The following CCSER1 variants were observed in gnomAD, a reference collection of about 807,000 sequenced individuals.
CCSER1 encodes serine-rich coiled-coil domain-containing protein 1.
A neutral mutation model predicts 82.0 loss-of-function variants in CCSER1; 41 were observed. That is an observed-to-expected ratio of 0.50 (90% CI 0.39 to 0.65). The LOEUF (loss-of-function observed/expected upper bound fraction) is 0.65. CCSER1 is among the 30% of genes least tolerant of loss of function. The pLI is 0.00. For synonymous variants in CCSER1, 414 were observed against 383.9 expected, an observed-to-expected ratio of 1.08 and a Z score of -0.92; for missense variants, 1,119 against 1,064.2, an observed-to-expected ratio of 1.05 and a Z score of -0.72.
At chr4:90,821,214 G>A (rs1170675701) in intron 8 of CCSER1, among the ~76,000 whole-genome samples, 2 of 151,948 alleles carry the variant, frequency 1.3e-5, no homozygotes, top group Non-Finnish European at 2.9e-5. Flanking sequence ...GATTTTATTT[G>A]ATGAAAAACC....
intron 5 of CCSER1, among the ~76,000 whole-genome samples, chr4:90,596,904 G>A (rs541539257): frequency 6.6e-6 from 1 of 151,808 alleles, no homozygotes. Flanking sequence ...GAATCATGGA[G>A]CTTGGATATT....
chr4:91,473,290 A>G (rs1278972623), intron 10 of CCSER1, among the ~76,000 whole-genome samples: 1 of 152,206 alleles, frequency 6.6e-6, no homozygotes. Context: ...AGTAGGGCAT[A>G]CAAAGGAACA....
At chr4:91,159,296 C>T (rs947789350) in intron 10 of CCSER1, among the ~76,000 whole-genome samples, 3 of 151,916 alleles carry the variant, frequency 2.0e-5, no homozygotes, top group East Asian at 3.9e-4. Context: ...AAATCAATGC[C>T]ATGCTGAAAA....
intron 10 of CCSER1, among the ~76,000 whole-genome samples, chr4:91,162,824 C>A (rs1440082362): frequency 6.6e-6 from 1 of 151,768 alleles, no homozygotes; most frequent in Non-Finnish European, 1.5e-5. Flanking sequence ...TCTCTTTTTT[C>A]TTCTTTATTA....
intron 9 of CCSER1, among the ~76,000 whole-genome samples, chr4:91,050,457 A>G (rs1027526098): frequency 5.9e-5 from 9 of 151,960 alleles, no homozygotes; most frequent in Non-Finnish European, 1.0e-4. Flanking sequence ...CATAGACTAA[A>G]CCATTTAATA....
At chr4:91,180,665 A>G (rs1209887717) in intron 10 of CCSER1, among the ~76,000 whole-genome samples, 1 of 152,144 alleles carries the variant, frequency 6.6e-6, no homozygotes, top group Non-Finnish European at 1.5e-5. Flanking sequence ...GGAAAAGTGC[A>G]GTATTAGGGT....
intron 9 of CCSER1, among the ~76,000 whole-genome samples, chr4:90,982,484 G>A (rs970127764): frequency 6.6e-6 from 1 of 151,654 alleles, no homozygotes; most frequent in African/African-American, 2.4e-5. Context: ...CTTCTCACTT[G>A]TAATTTGCAA....
intron 5 of CCSER1, among the ~76,000 whole-genome samples, chr4:90,529,512 G>A (rs979036705): frequency 6.6e-6 from 1 of 152,144 alleles, no homozygotes; most frequent in Non-Finnish European, 1.5e-5. Context: ...TTACAGGCGT[G>A]AGCCACCATG....
intron 10 of CCSER1, among the ~76,000 whole-genome samples, chr4:91,519,035 G>T (rs76870709): frequency 6.6e-6 from 1 of 152,214 alleles, no homozygotes; most frequent in Non-Finnish European, 1.5e-5. Context: ...CACTGCATCT[G>T]CAATGGCAAA....
intron 3 of CCSER1, among the ~76,000 whole-genome samples, chr4:90,324,834 A>T (rs986798425): frequency 1.3e-5 from 2 of 152,060 alleles, no homozygotes; most frequent in African/African-American, 4.8e-5. Context: ...ATCCATCTTG[A>T]CTTAATTTTT....
intron 7 of CCSER1, among the ~76,000 whole-genome samples, chr4:90,776,595 A>T (rs1752926245): frequency 6.6e-6 from 1 of 152,176 alleles, no homozygotes; most frequent in South Asian, 2.1e-4. Context: ...ATAATATCCA[A>T]CATTTGTTTA....
At chr4:91,031,005 C>A (rs1369710891) in intron 9 of CCSER1, among the ~76,000 whole-genome samples, 4 of 152,132 alleles carry the variant, frequency 2.6e-5, no homozygotes, top group African/African-American at 9.7e-5. Flanking sequence ...GTTAGCCAGA[C>A]ATCTTACAAA....
intron 3 of CCSER1, among the ~76,000 whole-genome samples, chr4:90,381,934 T>G (rs1336783391): frequency 6.6e-6 from 1 of 152,140 alleles, no homozygotes; most frequent in Non-Finnish European, 1.5e-5. Flanking sequence ...GGTTTGTATC[T>G]GTGGGTTTTT....
At chr4:91,160,778 G>C (rs1731313039) in intron 10 of CCSER1, among the ~76,000 whole-genome samples, 1 of 152,026 alleles carries the variant, frequency 6.6e-6, no homozygotes, top group African/African-American at 2.4e-5. Flanking sequence ...ATTTGTTTAA[G>C]TTCTTTGTAG....
At chr4:91,207,246 T>C (rs150443853) in intron 10 of CCSER1, among the ~76,000 whole-genome samples, 192 of 151,990 alleles carry the variant, frequency 1.3e-3, no homozygotes, top group Non-Finnish European at 2.4e-3. Context: ...CAGGTGTACA[T>C]GTGCAGGTTT....
At chr4:90,367,756 G>A (rs1014232660) in intron 3 of CCSER1, among the ~76,000 whole-genome samples, 2 of 151,756 alleles carry the variant, frequency 1.3e-5, no homozygotes, top group Non-Finnish European at 2.9e-5. Context: ...CCAGAAAACA[G>A]TCCGGTTGAA....
At chr4:90,862,327 A>G (rs1341498489) in intron 8 of CCSER1, among the ~76,000 whole-genome samples, 1 of 151,036 alleles carries the variant, frequency 6.6e-6, no homozygotes, top group Non-Finnish European at 1.5e-5. Context: ...GTTAGAAACA[A>G]CCTACCATAT....
At chr4:91,024,000 A>G (rs1740256437) in intron 9 of CCSER1, among the ~76,000 whole-genome samples, 1 of 152,166 alleles carries the variant, frequency 6.6e-6, no homozygotes, top group Non-Finnish European at 1.5e-5. Context: ...AAGGGGGTGC[A>G]TCTGGTGAGA....
chr4:91,365,805 G>GT (rs781253656), intron 10 of CCSER1, among the ~76,000 whole-genome samples: 14 of 152,152 alleles, frequency 9.2e-5, no homozygotes, highest in Non-Finnish European at 1.8e-4. Flanking sequence ...AATAAAGGGA[G>GT]TTAATGTTTT....
Sources: allele counts gnomAD v4.1 joint callset (sites outside exome capture counted in the v4.1 genomes callset), GRCh38; gene constraint gnomAD v4.1.1; transcripts MANE v1.5; gene names NCBI Gene and HGNC (gene_info 2026-07-23, HGNC 2026-07-21).